The following NDST3 variants were observed in gnomAD, a reference collection of about 807,000 sequenced individuals.
NDST3 encodes bifunctional heparan sulfate N-deacetylase/N-sulfotransferase 3.
In NDST3, 58 loss-of-function variants were observed where a neutral mutation model predicts 96.1. That is an observed-to-expected ratio of 0.60 (90% confidence interval 0.49 to 0.75). NDST3 has a LOEUF of 0.75. Among genes scored for constraint, NDST3 ranks in the 30% least tolerant of loss-of-function variants. The pLI is 0.00. For synonymous variants in NDST3, 333 were observed against 359.7 expected, an observed-to-expected ratio of 0.93 and a Z score of 0.84; for missense variants, 788 against 1,034.2, an observed-to-expected ratio of 0.76 and a Z score of 3.27.
At chr4:118,161,711 T>C (rs1489101867) in intron 6 of NDST3, among the ~76,000 whole-genome samples, 1 of 152,318 alleles carries the variant, frequency 6.6e-6, no homozygotes, top group African/African-American at 2.4e-5. Flanking sequence ...GTGCCGTTTT[T>C]TAAGCCCGTC....
chr4:118,087,349 C>CT (rs1360245234), intron 2 of NDST3, among the ~76,000 whole-genome samples: 1 of 152,118 alleles, frequency 6.6e-6, no homozygotes, highest in African/African-American at 2.4e-5. Context: ...TGCAAGATCA[C>CT]TACGAAGGCA....
intron 6 of NDST3, among the ~76,000 whole-genome samples, chr4:118,202,234 AG>A (rs1738138662): frequency 6.6e-6 from 1 of 152,032 alleles, no homozygotes; most frequent in Non-Finnish European, 1.5e-5. Context: ...AGCCTTATAT[AG>A]TGTAGCCTTG....
At chr4:118,073,747 A>T (rs1452356888) in intron 2 of NDST3, among the ~76,000 whole-genome samples, 1 of 151,426 alleles carries the variant, frequency 6.6e-6, no homozygotes, top group Non-Finnish European at 1.5e-5. Flanking sequence ...TCTCAGTTTC[A>T]TTAATTAAGT....
chr4:118,107,398 A>C (rs541230459), intron 3 of NDST3, among the ~76,000 whole-genome samples: 104 of 152,296 alleles, frequency 6.8e-4, no homozygotes, highest in African/African-American at 2.4e-3. Context: ...AGTTAAAAAA[A>C]CTGATTACAT....
At chr4:118,143,962 A>C (rs930558623) in intron 6 of NDST3, among the ~76,000 whole-genome samples, 1 of 151,930 alleles carries the variant, frequency 6.6e-6, no homozygotes, top group Non-Finnish European at 1.5e-5. Flanking sequence ...TGGGGAATAA[A>C]ATTTTTCACC....
intron 2 of NDST3, among the ~76,000 whole-genome samples, chr4:118,079,184 G>T (rs982477397): frequency 7.2e-5 from 11 of 152,080 alleles, no homozygotes; most frequent in African/African-American, 2.7e-4. Context: ...CAAGTCTGCT[G>T]GTTACATATA....
chr4:118,239,799 A>G (rs768140377), intron 10 of NDST3, among the ~76,000 whole-genome samples: 30 of 152,286 alleles, frequency 2.0e-4, no homozygotes, highest in South Asian at 2.1e-4. Context: ...TGAGGTAAAC[A>G]TCCACAAACT....
At chr4:118,231,241 C>T (rs1421385930) in intron 8 of NDST3, among the ~76,000 whole-genome samples, 1 of 151,696 alleles carries the variant, frequency 6.6e-6, no homozygotes, top group Non-Finnish European at 1.5e-5. Context: ...GAGGCTGAGG[C>T]ATGAGAATCG....
At chr4:118,100,759 T>C (rs1329460429) in intron 2 of NDST3, among the ~76,000 whole-genome samples, 2 of 152,164 alleles carry the variant, frequency 1.3e-5, no homozygotes, top group African/African-American at 4.8e-5. Flanking sequence ...AGCTCTTAAA[T>C]AGCTTTGTGA....
At chr4:118,129,702 AT>A (rs1388573695) in intron 4 of NDST3, among the ~76,000 whole-genome samples, 3 of 152,016 alleles carry the variant, frequency 2.0e-5, no homozygotes, top group Admixed American at 2.0e-4. Context: ...TATTAGATTC[AT>A]TTGTTGTATA....
intron 6 of NDST3, among the ~76,000 whole-genome samples, chr4:118,198,745 G>T (rs1737864851): frequency 6.7e-6 from 1 of 150,268 alleles, no homozygotes; most frequent in African/African-American, 2.4e-5. Context: ...AAAGTCTGAT[G>T]TTGATGAAAT....
rs574298397 is a variant in NDST3, at chr4:118,137,227, AT to A, written c.1225-826del. On this transcript the variant is annotated intron_variant, in intron 4 of 13. Coordinates refer to ENST00000296499, the MANE Select transcript of NDST3 (RefSeq NM_004784.3). ...GATTTTTTCCAAGCAATTGAAAAAT[AT>A]AAACAGAAAAATAAAAAATAACTTT... is the stretch of plus-strand genomic sequence containing the variant. Among the ~76,000 whole-genome samples the A allele has an allele frequency of 1.3e-3, 203 of 152,368 alleles. 1 individual carries two copies. The highest frequency in any genetic ancestry group is 2.1e-3 in the Non-Finnish European group (140 of 68,022).
intron 4 of NDST3, among the ~76,000 whole-genome samples, chr4:118,130,339 T>C (rs938956780): frequency 1.3e-5 from 2 of 152,090 alleles, no homozygotes; most frequent in African/African-American, 2.4e-5. Context: ...CTTGTTTCTG[T>C]TGTGTTTTTT....
Position 118,053,747 on chromosome 4 carries a change from A to G in NDST3, c.-155-9A>G, listed in dbSNP as rs1457516912. The G allele has an allele frequency of 1.4e-6, 1 of 701,544 alleles. No homozygotes were observed. Among genetic ancestry groups the G allele is most frequent in the Non-Finnish European group, 2.2e-6 (1 of 450,422 alleles). 43.5% of individuals were successfully genotyped at this position (701,544 alleles called of 1,614,324 possible). ...AACTGACTGTTTTATATTCTTTTCT[A>G]TTTTTCAGACTGTATTTTCTGTGAG... On this transcript the variant is annotated splice_polypyrimidine_tract_variant and intron_variant, in intron 1 of 13. Transcript: ENST00000296499.
intron 9 of NDST3, among the ~76,000 whole-genome samples, chr4:118,234,251 A>C (rs1740494588): frequency 6.6e-6 from 1 of 152,056 alleles, no homozygotes; most frequent in Non-Finnish European, 1.5e-5. Flanking sequence ...ATCTCTAACA[A>C]AAATACAAGA....
chr4:118,108,394 T>C (rs997206142), intron 3 of NDST3, among the ~76,000 whole-genome samples: 2 of 152,220 alleles, frequency 1.3e-5, no homozygotes, highest in Admixed American at 6.5e-5. Flanking sequence ...TTTAAAGTGA[T>C]ATCATATTTA....
intron 2 of NDST3, among the ~76,000 whole-genome samples, chr4:118,077,445 C>T (rs1368712855): frequency 6.6e-6 from 1 of 152,216 alleles, no homozygotes. Context: ...CTCTTGGCGG[C>T]ATGGCTCTTT....
In NDST3 at chr4:118,141,956, A is replaced by G. The variant is rs557871921; in HGVS notation, c.1411-1600A>G. Among the ~76,000 whole-genome samples the G allele has an allele frequency of 5.3e-5, 8 of 152,270 alleles. No individual in the cohort carries two copies. In the South Asian group the frequency reaches 1.7e-3, roughly 32 times the overall value. On this transcript the variant is annotated intron_variant, in intron 5 of 13. Transcript: ENST00000296499. The stretch of plus-strand genomic sequence containing the variant: ...CTAAATCTATTCTGTGGGCTAGCAT[A>G]GAGTTTAGAATAAATATTTGTTAAA...
At chr4:118,228,903 G>T (rs1740084532) in intron 8 of NDST3, among the ~76,000 whole-genome samples, 1 of 152,166 alleles carries the variant, frequency 6.6e-6, no homozygotes, top group African/African-American at 2.4e-5. Flanking sequence ...TCATGTTGCT[G>T]TATATATCCA....
Sources: allele counts gnomAD v4.1 joint callset (sites outside exome capture counted in the v4.1 genomes callset), GRCh38; gene constraint gnomAD v4.1.1; transcripts MANE v1.5; gene names NCBI Gene and HGNC (gene_info 2026-07-23, HGNC 2026-07-21).